TMEM62: variants seen among roughly 807,000 people sequenced by gnomAD.
TMEM62 encodes transmembrane protein 62.
A neutral mutation model predicts 70.4 loss-of-function variants in TMEM62; 41 were observed. The observed-to-expected ratio is 0.58, with a 90% confidence interval of 0.45 to 0.76. TMEM62 has a LOEUF of 0.76. TMEM62 is among the 30% of genes least tolerant of loss of function. The pLI is 0.00. For synonymous variants in TMEM62, 268 were observed against 291.0 expected (o/e 0.92, Z 0.80); for missense variants, 688 against 788.5 (o/e 0.87, Z 1.53).
At chr15:43,167,543 G>C (rs544196584) in intron 10 of TMEM62, among the ~76,000 whole-genome samples, 15 of 151,934 alleles carry the variant, frequency 9.9e-5, no homozygotes, top group Non-Finnish European at 2.1e-4. Flanking sequence ...GGGCAGAGAC[G>C]CTCCTCACTT....
chr15:43,180,919 T>C, intron 12 of TMEM62: 1 of 283,896 alleles, frequency 3.5e-6, no homozygotes, highest in Non-Finnish European at 6.5e-6. Context: ...AGTGTGCTTT[T>C]TTTGTTTCTA....
Position 43,168,174 on chromosome 15 carries a change from GGAGAC to G in TMEM62, c.1297-1417_1297-1413del, listed in dbSNP as rs1567225657. Among the ~76,000 whole-genome samples the G allele has an allele frequency of 1.9e-3, 162 of 85,234 alleles. 3 individuals carry two copies. The highest frequency in any genetic ancestry group is 1.6e-3 in the Non-Finnish European group (65 of 41,138). 55.9% of individuals were successfully genotyped at this position (85,234 alleles called of 152,430 possible). ...GGGAGAGGGAGAGGGAGAGGGAGAC[GGAGAC>G]GGAGAGGGAGAGGGAGAGGGAGAGG... On this transcript the variant is annotated intron_variant, in intron 10 of 13. Coordinates refer to ENST00000260403, the MANE Select transcript of TMEM62 (RefSeq NM_024956.4).
Position 43,133,888 on chromosome 15 carries a change from C to A in TMEM62, c.86C>A (p.Ala29Glu), listed in dbSNP as rs1341329885. ...VAMLLEHYGL[A>E]GQPSPLPRPA... is the part of the protein sequence containing the mutation. ...ATGCTCTTGGAGCACTACGGCCTGGCGGGCCAGCCCTCGCCGCTGCCGCGC... is the reference window on the plus strand; with the variant it reads ...ATGCTCTTGGAGCACTACGGCCTGGAGGGCCAGCCCTCGCCGCTGCCGCGC... The change falls in exon 1 of 14, where the codon GCG (alanine) becomes GAG (glutamate). Residue 29 changes from alanine (A) to glutamate (E), a missense_variant. Coordinates refer to ENST00000260403, the MANE Select transcript of TMEM62 (RefSeq NM_024956.4). 19 of 1,498,182 alleles carry A rather than the reference C, an allele frequency of 1.3e-5. No homozygotes were observed. The highest frequency in any genetic ancestry group is 1.7e-5 in the Non-Finnish European group (19 of 1,131,858). The allele number at this position is 1,498,182 out of a possible 1,614,324, so 92.8% of individuals were successfully genotyped here.
At chr15:43,182,454 T>C (rs549222818) in intron 13 of TMEM62, among the ~76,000 whole-genome samples, 8 of 140,958 alleles carry the variant, frequency 5.7e-5, no homozygotes, top group African/African-American at 2.2e-4. Flanking sequence ...TTTTCTTTTC[T>C]TTTTTTTTTT....
At chr15:43,156,164 T>C (rs2038022834) in intron 9 of TMEM62, among the ~76,000 whole-genome samples, 1 of 152,224 alleles carries the variant, frequency 6.6e-6, no homozygotes, top group Non-Finnish European at 1.5e-5. Context: ...AAAACATATG[T>C]AGTTATTTTC....
At chr15:43,136,786 CTG>C (rs2035283613) in intron 3 of TMEM62, among the ~76,000 whole-genome samples, 1 of 152,088 alleles carries the variant, frequency 6.6e-6, no homozygotes, top group Non-Finnish European at 1.5e-5. Flanking sequence ...GGGTCTTGCT[CTG>C]TCACTCAGCC....
chr15:43,168,189 G>A (rs1476183570), intron 10 of TMEM62, among the ~76,000 whole-genome samples: 1 of 135,558 alleles, frequency 7.4e-6, no homozygotes, highest in Non-Finnish European at 1.6e-5. Context: ...CGGAGAGGGA[G>A]AGGGAGAGGG....
At chr15:43,139,742 T>A (rs1432208438) in intron 4 of TMEM62, among the ~76,000 whole-genome samples, 3 of 152,190 alleles carry the variant, frequency 2.0e-5, no homozygotes, top group Non-Finnish European at 4.4e-5. Context: ...TTCAATTCTA[T>A]GAAGGCTGAG....
chr15:43,181,290 A>G lies in TMEM62; in HGVS notation c.1596A>G (p.Gly532=). 6.2e-7 allele frequency: 1 copy of G among 1,603,808 alleles called. No homozygotes were observed. Among genetic ancestry groups the G allele is most frequent in the Admixed American group, 1.7e-5 (1 of 59,988 alleles). The change falls in exon 13 of 14, where the codon GGA becomes GGG. Residue 532 remains glycine, a synonymous_variant. Coordinates refer to ENST00000260403, the MANE Select transcript of TMEM62 (RefSeq NM_024956.4). ...AAGGCAGCATAACATTTATAATTGG[A>G]ATTCTCCAGGTAAGAAGTCAGAAAA... The part of the protein sequence containing the change: ...FLQGSITFII[G]ILQLAFFNIP...
At chr15:43,136,358 A>T (rs925307332) in intron 3 of TMEM62, among the ~76,000 whole-genome samples, 23 of 152,190 alleles carry the variant, frequency 1.5e-4, no homozygotes, top group Admixed American at 1.2e-3. Context: ...CAAAATCCAT[A>T]GAACTGTAAG....
intron 13 of TMEM62, among the ~76,000 whole-genome samples, chr15:43,181,674 G>C (rs1442817414): frequency 6.6e-6 from 1 of 152,026 alleles, no homozygotes; most frequent in Non-Finnish European, 1.5e-5. Flanking sequence ...GCTAATTTTT[G>C]CACTTTTAGT....
intron 10 of TMEM62, among the ~76,000 whole-genome samples, chr15:43,167,339 C>T (rs1398778575): frequency 4.6e-5 from 7 of 151,886 alleles, no homozygotes; most frequent in African/African-American, 1.4e-4. Flanking sequence ...GGGTGGCTGC[C>T]GGGCGGAGGG....
At chr15:43,157,778 A>G (rs1385410663) in intron 9 of TMEM62, among the ~76,000 whole-genome samples, 2 of 152,216 alleles carry the variant, frequency 1.3e-5, no homozygotes, top group Non-Finnish European at 2.9e-5. Context: ...CATACCTGGA[A>G]GACTAACAGT....
intron 3 of TMEM62, 124 bp from the exon 4 acceptor site, chr15:43,138,450 C>T (rs189895396): frequency 8.6e-4 from 662 of 767,420 alleles, no homozygotes; most frequent in Middle Eastern, 2.0e-3. Flanking sequence ...AACGGCTCTA[C>T]CCTGGGGGTG....
intron 10 of TMEM62, among the ~76,000 whole-genome samples, chr15:43,163,090 T>A (rs540954825): frequency 6.6e-6 from 1 of 152,102 alleles, no homozygotes; most frequent in South Asian, 2.1e-4. Flanking sequence ...TTTTTAGTTT[T>A]TAATATACAC....
At chr15:43,150,893 C>T (rs866925856) in intron 7 of TMEM62, among the ~76,000 whole-genome samples, 2 of 152,198 alleles carry the variant, frequency 1.3e-5, no homozygotes, top group African/African-American at 4.8e-5. Context: ...TAGAGAATTT[C>T]GTGAGCACTA....
Position 43,185,115 on chromosome 15 carries a change from CAAAT to C in TMEM62, c.*534_*537del, listed in dbSNP as rs990748136. 12 of 304,402 alleles carry C rather than the reference CAAAT, an allele frequency of 3.9e-5. No individual in the cohort carries two copies. In the Admixed American group the frequency reaches 4.8e-4, roughly 12 times the overall value. 18.9% of individuals were successfully genotyped at this position (304,402 alleles called of 1,614,324 possible). A position where few individuals can be genotyped will look rare whatever the true frequency, so the allele number is the denominator to read the frequency against. ...TTAGTCGGAAGTGTTTTCAACTAAT[CAAAT>C]AAATGAATGAATGATGAATAAGAAA... On this transcript the variant is annotated 3_prime_UTR_variant, in exon 14 of 14. Coordinates refer to ENST00000260403, the MANE Select transcript of TMEM62 (RefSeq NM_024956.4).
At chr15:43,170,541 A>C (rs560534083) in intron 11 of TMEM62, among the ~76,000 whole-genome samples, 1 of 152,172 alleles carries the variant, frequency 6.6e-6, no homozygotes, top group South Asian at 2.1e-4. Flanking sequence ...TGTAAACAAA[A>C]ACCTTTCAAA....
At chr15:43,150,063 G>A (rs956633912) in intron 7 of TMEM62, among the ~76,000 whole-genome samples, 2 of 152,144 alleles carry the variant, frequency 1.3e-5, no homozygotes, top group African/African-American at 4.8e-5. Flanking sequence ...CACAAACCCT[G>A]TGCTCTCAGA....
Sources: gnomAD v4.1 joint callset for allele counts (sites outside exome capture counted in the v4.1 genomes callset) on GRCh38, gnomAD v4.1.1 for gene constraint, MANE v1.5 for transcripts, NCBI Gene and HGNC (gene_info 2026-07-23, HGNC 2026-07-21) for gene names.